The following KLF12 variants were observed in gnomAD, a reference collection of about 807,000 sequenced individuals.
The protein encoded by KLF12 is KLF transcription factor 12.
KLF12 carries 9 observed loss-of-function variants against 37.8 expected under a neutral mutation model. The ratio of observed to expected loss-of-function variants is 0.24; its 90% CI spans 0.14 to 0.42. The LOEUF (loss-of-function observed/expected upper bound fraction) is 0.42. KLF12 is among the 10% of genes least tolerant of loss of function. The pLI, the probability that KLF12 is intolerant of heterozygous loss-of-function variation, is 1.00. For synonymous variants in KLF12, 208 were observed against 202.1 expected, an observed-to-expected ratio of 1.03 and a Z score of -0.25; for missense variants, 411 against 516.0, an observed-to-expected ratio of 0.80 and a Z score of 1.97.
intron 3 of KLF12, among the ~76,000 whole-genome samples, chr13:73,932,991 T>C (rs530292196): frequency 3.3e-5 from 5 of 152,186 alleles, no homozygotes; most frequent in Non-Finnish European, 7.4e-5. Flanking sequence ...CCTGCAATAA[T>C]GAAAAGACTG....
At chr13:74,147,238 G>A in the KLF12 span, among the ~76,000 whole-genome samples, 1 of 151,968 alleles carries the variant, frequency 6.6e-6, no homozygotes, top group Admixed American at 6.6e-5. Context: ...CTGACTGCAA[G>A]AGCCTCCCTT....
chr13:73,930,140 T>C (rs1329490842), intron 3 of KLF12, among the ~76,000 whole-genome samples: 2 of 152,180 alleles, frequency 1.3e-5, no homozygotes, highest in African/African-American at 4.8e-5. Context: ...CTCTTAACAA[T>C]AGCAAGACAT....
the KLF12 span, among the ~76,000 whole-genome samples, chr13:74,232,882 T>TTAA: frequency 1.5e-5 from 2 of 132,554 alleles, no homozygotes; most frequent in Non-Finnish European, 3.0e-5. Context: ...ATCTTATTTA[T>TTAA]TTATTATTAT....
At chr13:74,134,514 G>C (rs868351059), upstream of KLF12, among the ~76,000 whole-genome samples, 2,212 of 151,446 alleles carry the variant, frequency 0.015, 56 homozygotes, top group African/African-American at 0.049. Flanking sequence ...GGCTGGGTCC[G>C]CGGCGCCTCC....
chr13:74,112,388 C>G (rs7317646), intron 1 of KLF12, among the ~76,000 whole-genome samples: 120,619 of 143,292 alleles, frequency 0.84, 48,989 homozygotes, highest in East Asian at 0.94. Flanking sequence ...CAGATATTGT[C>G]TGTGTGTGTG....
At chr13:73,782,437 G>T (rs1566364628) in intron 5 of KLF12, among the ~76,000 whole-genome samples, 1 of 152,180 alleles carries the variant, frequency 6.6e-6, no homozygotes, top group Non-Finnish European at 1.5e-5. Context: ...AATGCTAAGT[G>T]ACTACGATGA....
Position 73,832,169 on chromosome 13 carries a change from C to G in KLF12, c.670+13658G>C, listed in dbSNP as rs74095789. On this transcript the variant is annotated intron_variant, in intron 4 of 7. Coordinates refer to ENST00000377669, the MANE Select transcript of KLF12 (RefSeq NM_007249.5). ...TCTGTGTGGGAGGTGACCTCATGGGCTACTTTCCAGTACAAGCACAGTATT... is the reference window on the plus strand; with the variant it reads ...TCTGTGTGGGAGGTGACCTCATGGGGTACTTTCCAGTACAAGCACAGTATT... 6.0e-3 allele frequency among the ~76,000 whole-genome samples: 911 copies of G among 152,296 alleles called. 9 individuals are homozygous for G. The highest frequency in any genetic ancestry group is 0.02 in the African/African-American group (834 of 41,554).
the KLF12 span, among the ~76,000 whole-genome samples, chr13:74,229,123 G>A: frequency 2.0e-5 from 3 of 152,100 alleles, no homozygotes; most frequent in African/African-American, 7.2e-5. Context: ...TTGTGAGTTG[G>A]GATAGTACTG....
chr13:74,101,676 G>C (rs1352859996), intron 1 of KLF12, among the ~76,000 whole-genome samples: 1 of 152,138 alleles, frequency 6.6e-6, no homozygotes, highest in Non-Finnish European at 1.5e-5. Flanking sequence ...AGACACAAGA[G>C]CCACCGTGGC....
intron 1 of KLF12, among the ~76,000 whole-genome samples, chr13:74,048,680 T>C (rs1464239288): frequency 6.6e-6 from 1 of 152,052 alleles, no homozygotes; most frequent in Admixed American, 6.5e-5. Flanking sequence ...TGGTAAAACA[T>C]AAATAACTGA....
chr13:74,244,709 T>A, the KLF12 span, among the ~76,000 whole-genome samples: 1 of 152,216 alleles, frequency 6.6e-6, no homozygotes, highest in South Asian at 2.1e-4. Context: ...TATCCCTTCA[T>A]ATTTTTTGGA....
chr13:74,242,120 T>C, the KLF12 span, among the ~76,000 whole-genome samples: 3 of 152,238 alleles, frequency 2.0e-5, no homozygotes, highest in African/African-American at 7.2e-5. Flanking sequence ...ATGATGTTAC[T>C]ACTTACAGGA....
At chr13:73,784,398 C>T (rs1212124349) in intron 5 of KLF12, among the ~76,000 whole-genome samples, 6 of 152,070 alleles carry the variant, frequency 3.9e-5, no homozygotes, top group African/African-American at 1.2e-4. Flanking sequence ...CTCTATAAAC[C>T]TTTCTCTCCA....
intron 1 of KLF12, among the ~76,000 whole-genome samples, chr13:74,005,144 T>C (rs1892379316): frequency 6.6e-6 from 1 of 152,200 alleles, no homozygotes. Flanking sequence ...CCTCAACTCT[T>C]AGATTCTTTG....
At chr13:73,986,648 AAGG>A (rs1891835109) in intron 2 of KLF12, among the ~76,000 whole-genome samples, 2 of 152,204 alleles carry the variant, frequency 1.3e-5, no homozygotes, top group Non-Finnish European at 2.9e-5. Context: ...ACCTTAAAAT[AAGG>A]AGATCATCCT....
the KLF12 span, chr13:74,259,492 A>G: frequency 3.9e-5 from 6 of 152,082 alleles, no homozygotes; most frequent in African/African-American, 1.4e-4. Flanking sequence ...AGTCATTTTC[A>G]CTAATCCATG....
At chr13:73,823,728 GA>G (rs1883670084) in intron 4 of KLF12, among the ~76,000 whole-genome samples, 1 of 88,796 alleles carries the variant, frequency 1.1e-5, no homozygotes. Flanking sequence ...TCTTTTTTTT[GA>G]GAGAGAGTTT....
intron 5 of KLF12, among the ~76,000 whole-genome samples, chr13:73,773,439 T>G (rs2138135412): frequency 6.6e-6 from 1 of 152,282 alleles, no homozygotes; most frequent in Non-Finnish European, 1.5e-5. Flanking sequence ...AACAATCTGC[T>G]TTTCCTTCAG....
intron 6 of KLF12, among the ~76,000 whole-genome samples, chr13:73,717,183 T>G (rs1018833704): frequency 6.6e-6 from 1 of 152,192 alleles, no homozygotes; most frequent in Non-Finnish European, 1.5e-5. Context: ...ACAGAAACAG[T>G]GGGCTGGCCA....
Sources: allele counts gnomAD v4.1 joint callset (sites outside exome capture counted in the v4.1 genomes callset), GRCh38; gene constraint gnomAD v4.1.1; transcripts MANE v1.5; gene names NCBI Gene and HGNC (gene_info 2026-07-23, HGNC 2026-07-21).